SIGLEC9: variants seen among roughly 807,000 people sequenced by gnomAD.
SIGLEC9 encodes sialic acid-binding Ig-like lectin 9.
A neutral mutation model predicts 38.3 loss-of-function variants in SIGLEC9; 26 were observed. That is an observed-to-expected ratio of 0.68 (90% CI 0.50 to 0.94). SIGLEC9 has a LOEUF of 0.94. Among genes scored for constraint, SIGLEC9 ranks in the 40% least tolerant of loss-of-function variants. The pLI, the probability that SIGLEC9 is intolerant of heterozygous loss-of-function variation, is 0.00. For missense variants in SIGLEC9, 556 were observed against 585.7 expected (o/e 0.95, Z 0.52); for synonymous variants, 236 against 248.0 (o/e 0.95, Z 0.45).
intron 4 of SIGLEC9, among the ~76,000 whole-genome samples, chr19:51,127,664 G>A (rs1324208255): frequency 6.6e-6 from 1 of 152,062 alleles, no homozygotes; most frequent in African/African-American, 2.4e-5. Context: ...AAATCATATT[G>A]CAATGCAATA....
At position 51,130,227 on chromosome 19, in the gene SIGLEC9, G is replaced by A. The variant is rs2092008214; in HGVS notation, c.*148G>A. On this transcript the variant is annotated 3_prime_UTR_variant, in exon 7 of 7. Coordinates refer to ENST00000250360, the MANE Select transcript of SIGLEC9 (RefSeq NM_014441.3). ...TATGTGCAGAGTGAAAAGCACACAGGCTTTAGAGTCAAAGTATCTCAAACC... is the reference window on the plus strand; with the variant it reads ...TATGTGCAGAGTGAAAAGCACACAGACTTTAGAGTCAAAGTATCTCAAACC... 1.5e-6 allele frequency: 2 copies of A among 1,345,232 alleles called. No individual in the cohort carries two copies. Among genetic ancestry groups the A allele is most frequent in the Admixed American group, 7.0e-5 (2 of 28,418 alleles). 83.3% of individuals were successfully genotyped at this position (1,345,232 alleles called of 1,614,324 possible). A position where few individuals can be genotyped will look rare whatever the true frequency, so the allele number is the denominator to read the frequency against.
In SIGLEC9 at chr19:51,125,801, C is replaced by T. The variant is rs1280373006; in HGVS notation, c.626C>T (p.Thr209Ile). 4 of 1,614,160 alleles carry T rather than the reference C, an allele frequency of 2.5e-6. No homozygotes were observed. The highest frequency in any genetic ancestry group is 3.4e-6 in the Non-Finnish European group (4 of 1,180,024). The change falls in exon 2 of 7, where the codon ACC becomes ATC. Residue 209 changes from threonine (T) to isoleucine (I), a missense_variant. Coordinates refer to ENST00000250360, the MANE Select transcript of SIGLEC9 (RefSeq NM_014441.3). ...ATCCCACAGCCCCAGGACCATGGCACCAGCCTCACCTGTCAGGTGACCTTC... is the reference window on the plus strand; with the variant it reads ...ATCCCACAGCCCCAGGACCATGGCATCAGCCTCACCTGTCAGGTGACCTTC... The part of the protein sequence containing the change: ...TLIPQPQDHG[T>I]SLTCQVTFPG...
downstream of SIGLEC9, among the ~76,000 whole-genome samples, chr19:51,135,134 C>T (rs527296607): frequency 6.3e-4 from 96 of 152,258 alleles, no homozygotes; most frequent in African/African-American, 1.7e-3. Flanking sequence ...GTTATGTAGA[C>T]GTGATTGTAT....
At chr19:51,127,350 AC>A in intron 4 of SIGLEC9, 54 bp downstream of exon 4, 1 of 1,510,446 alleles carries the variant, frequency 6.6e-7, no homozygotes. Flanking sequence ...CACCTCCTCC[AC>A]CCTTAGTAAC....
chr19:51,128,555 C>A (rs2091994256), intron 6 of SIGLEC9, 45 bp downstream of exon 6: 1 of 1,564,912 alleles, frequency 6.4e-7, no homozygotes, highest in Non-Finnish European at 8.8e-7. Context: ...GCCTGGACAC[C>A]TCCCACAGGA....
upstream of SIGLEC9, chr19:51,124,859 G>A (rs865940037): frequency 2.8e-5 from 39 of 1,374,020 alleles, no homozygotes; most frequent in Middle Eastern, 2.0e-4. Context: ...TCACTGTTCC[G>A]ACCTCGCCCC....
At chr19:51,121,557 T>A (rs914599520), upstream of SIGLEC9, among the ~76,000 whole-genome samples, 1 of 150,196 alleles carries the variant, frequency 6.7e-6, no homozygotes, top group Non-Finnish European at 1.5e-5. Flanking sequence ...CTGTCCTCCA[T>A]CAGCATGACC....
chr19:51,127,476 G>A (rs2091986589), intron 4 of SIGLEC9, among the ~76,000 whole-genome samples, 180 bp downstream of exon 4: 1 of 151,946 alleles, frequency 6.6e-6, no homozygotes, highest in South Asian at 2.1e-4. Context: ...GGGAAGGGTT[G>A]TGGGGTGGGG....
Position 51,129,157 on chromosome 19 carries a change from T to TG in SIGLEC9, c.1203+647_1203+648insG, listed in dbSNP as rs1394947334. On this transcript the variant is annotated intron_variant, in intron 6 of 6. Coordinates refer to ENST00000250360, the MANE Select transcript of SIGLEC9 (RefSeq NM_014441.3). ...TTCTGACTTTTTTTGTTTTTTTTTTTTTTTGTTGTTGTTGTTTTTGAGACA... is the reference window on the plus strand; with the variant it reads ...TTCTGACTTTTTTTGTTTTTTTTTTTGTTTTGTTGTTGTTGTTTTTGAGACA... Among the ~76,000 whole-genome samples the TG allele has an allele frequency of 7.0e-3, 1,011 of 145,330 alleles. 23 individuals are homozygous for TG. Among genetic ancestry groups the TG allele is most frequent in the African/African-American group, 0.027 (953 of 35,078 alleles).
At chr19:51,128,815 A>T (rs1248318779) in intron 6 of SIGLEC9, 2 of 303,564 alleles carry the variant, frequency 6.6e-6, no homozygotes, top group East Asian at 1.8e-4. Flanking sequence ...ATCATCGTCC[A>T]GTTCCTCTGC....
At chr19:51,131,478 C>T (rs1012504655), downstream of SIGLEC9, among the ~76,000 whole-genome samples, 39 of 149,928 alleles carry the variant, frequency 2.6e-4, no homozygotes, top group South Asian at 2.8e-3. Context: ...CCCAGCTACT[C>T]GGGAGGCTGA....
rs367841404 is a variant in SIGLEC9 at position 51,125,115 on chromosome 19, G to C, written c.141G>C (p.Ser47=). 4 of 1,614,028 alleles carry C rather than the reference G, an allele frequency of 2.5e-6. No homozygotes were observed. The highest frequency in any genetic ancestry group is 4.5e-5 in the East Asian group (2 of 44,872). Residue 47 remains serine, a synonymous_variant, in exon 1 of 7, where the codon TCG becomes TCC. Coordinates refer to ENST00000250360, the MANE Select transcript of SIGLEC9 (RefSeq NM_014441.3). ...TGCCCTGCTCCTTCTCCTACCCCTC[G>C]CATGGCTGGATTTACCCTGGCCCAG... The part of the protein sequence containing the change: ...VHVPCSFSYP[S]HGWIYPGPVV...
At chr19:51,128,805 A>T in intron 6 of SIGLEC9, 1 of 324,808 alleles carries the variant, frequency 3.1e-6, no homozygotes, top group East Asian at 7.8e-5. Context: ...TCCAGAAGAC[A>T]TCATCGTCCA....
chr19:51,131,624 A>G (rs964280128), downstream of SIGLEC9, among the ~76,000 whole-genome samples: 9 of 149,894 alleles, frequency 6.0e-5, no homozygotes, highest in South Asian at 2.1e-4. Flanking sequence ...TAAGTAAAAA[A>G]TCATATCCGA....
chr19:51,127,298 T>C lies in SIGLEC9; in HGVS notation c.1015+2T>C. 1 of 1,606,980 alleles carries C rather than the reference T, an allele frequency of 6.2e-7. No individual in the cohort carries two copies. The highest frequency in any genetic ancestry group is 1.3e-5 in the African/African-American group (1 of 74,820). ...TCTACCTGAACGTCTCCCTGCAGAG[T>C]GAGTGCACCAGTATGCTGGGGAGGG... On this transcript the variant is annotated splice_donor_variant, in intron 4 of 6. Transcript: ENST00000250360. LOFTEE classifies it high-confidence loss of function.
rs771034593 is a variant in SIGLEC9, at chr19:51,127,121, TCCCCCTGCCAGGCTGAG to T, written c.843_859del (p.Pro282GlufsTer30). On this transcript the variant is annotated frameshift_variant, in exon 4 of 7. Transcript: ENST00000250360. LOFTEE classifies it high-confidence loss of function. ...GTGCAGTTGATGCAGTTGACAGCAATCCCCCTGCCAGGCTGAGCCTGAGCTGGAGAGGCCTGACCCTG... is the reference window on the plus strand; with the variant it reads ...GTGCAGTTGATGCAGTTGACAGCAATCCTGAGCTGGAGAGGCCTGACCCTG... The T allele has an allele frequency of 5.6e-5, 90 of 1,614,052 alleles. No individual in the cohort carries two copies. Among genetic ancestry groups the T allele is most frequent in the Non-Finnish European group, 7.5e-5 (88 of 1,180,044 alleles).
chr19:51,127,927 A>G, intron 4 of SIGLEC9, 22 bp from the exon 5 acceptor site: 1 of 1,539,454 alleles, frequency 6.5e-7, no homozygotes, highest in Non-Finnish European at 9.0e-7. Context: ...ATATCACAAA[A>G]ATAACTCCCA....
chr19:51,135,944 G>T (rs998660572), intron 6 of SIGLEC9: 5 of 701,768 alleles, frequency 7.1e-6, no homozygotes, highest in Admixed American at 6.0e-5. Context: ...CTCTTAAAAT[G>T]ATTATTTTAT....
In SIGLEC9 at chr19:51,130,014, C is replaced by G; in HGVS notation, c.1327C>G (p.Pro443Ala). Residue 443 changes from proline to alanine, a missense_variant, in exon 7 of 7, where the codon CCT becomes GCT. Transcript: ENST00000250360. ...ATCCCTCAGCTTCCAGATGGTGAAG[C>G]CTTGGGACTCGCGGGGACAGGAGGC... ...YASLSFQMVKPWDSRGQEATD... is the reference protein window; with the variant it reads ...YASLSFQMVKAWDSRGQEATD... 6 of 1,614,008 alleles carry G rather than the reference C, an allele frequency of 3.7e-6. No homozygotes were observed. Among genetic ancestry groups the G allele is most frequent in the Non-Finnish European group, 4.2e-6 (5 of 1,179,958 alleles).
Sources: allele counts gnomAD v4.1 joint callset (sites outside exome capture counted in the v4.1 genomes callset), GRCh38; gene constraint gnomAD v4.1.1; transcripts MANE v1.5; gene names NCBI Gene and HGNC (gene_info 2026-07-23, HGNC 2026-07-21).